LRPPRC: variants seen among roughly 807,000 people sequenced by gnomAD.
The protein encoded by LRPPRC is leucine-rich PPR motif-containing protein, mitochondrial.
Under a neutral mutation model 180.3 loss-of-function variants are expected in LRPPRC, and 120 were observed. The ratio of observed to expected loss-of-function variants is 0.67; its 90% CI spans 0.57 to 0.77. The LOEUF is 0.77. Ranked by LOEUF, LRPPRC falls within the 30% of genes least tolerant of loss-of-function variation. The pLI is 0.00. For missense variants in LRPPRC, 2,012 were observed against 1,657.2 expected, an observed-to-expected ratio of 1.21 and a Z score of -3.72; for synonymous variants, 723 against 600.0, an observed-to-expected ratio of 1.21 and a Z score of -3.00.
rs1675041650 is a variant in LRPPRC at position 43,995,921 on chromosome 2, A to G, written c.27T>C (p.Arg9=). 5.3e-6 allele frequency: 8 copies of G among 1,519,090 alleles called. No individual in the cohort carries two copies. The highest frequency in any genetic ancestry group is 4.3e-5 in the African/African-American group (3 of 70,580). 94.1% of individuals were successfully genotyped at this position (1,519,090 alleles called of 1,614,324 possible). A position where few individuals can be genotyped will look rare whatever the true frequency, so the allele number is the denominator to read the frequency against. Residue 9 remains arginine, a synonymous_variant, in exon 1 of 38, where the codon CGT becomes CGC. Coordinates refer to ENST00000260665, the MANE Select transcript of LRPPRC (RefSeq NM_133259.4). ...GGGCCGCCCCGGCACGCAGCAACCAACGCGCGGATCTCAGCAGGGCTGCCA... is the reference window on the plus strand; with the variant it reads ...GGGCCGCCCCGGCACGCAGCAACCAGCGCGCGGATCTCAGCAGGGCTGCCA... MAALLRSA[R]WLLRAGAAPR...
chr2:43,992,132 C>G (rs544971827), intron 1 of LRPPRC, among the ~76,000 whole-genome samples: 1 of 152,006 alleles, frequency 6.6e-6, no homozygotes, highest in Non-Finnish European at 1.5e-5. Context: ...TAAGAGGAGG[C>G]ACAAGAAAGG....
At chr2:43,920,522 A>T (rs1024052868) in intron 27 of LRPPRC, among the ~76,000 whole-genome samples, 1 of 152,184 alleles carries the variant, frequency 6.6e-6, no homozygotes, top group Non-Finnish European at 1.5e-5. Context: ...TTATACATAT[A>T]CTGATAAAAT....
chr2:43,969,113 G>A lies in LRPPRC; in HGVS notation c.1369+4494C>T, dbSNP rs573505439. Among the ~76,000 whole-genome samples the A allele has an allele frequency of 3.9e-5, 6 of 152,320 alleles. No individual in the cohort carries two copies. In the South Asian group the frequency reaches 1.2e-3, roughly 32 times the overall value. On this transcript the variant is annotated intron_variant, in intron 11 of 37. Transcript: ENST00000260665. ...CTCCAAGATCACAAGCATAACTTGA[G>A]TAAGAAACCAAGTCTCAGTCCGGGC...
At chr2:43,925,326 T>C (rs1671837666) in intron 26 of LRPPRC, among the ~76,000 whole-genome samples, 169 bp from the exon 27 acceptor site, 1 of 152,242 alleles carries the variant, frequency 6.6e-6, no homozygotes, top group East Asian at 1.9e-4. Flanking sequence ...TTAATGCCAC[T>C]GAACTGTATA....
intron 1 of LRPPRC, among the ~76,000 whole-genome samples, chr2:43,988,038 C>A (rs953548920): frequency 2.0e-5 from 3 of 152,044 alleles, no homozygotes; most frequent in Admixed American, 1.3e-4. Context: ...GAAGTCCGTT[C>A]GAGACCAGCC....
intron 25 of LRPPRC, among the ~76,000 whole-genome samples, chr2:43,928,416 A>C (rs1159571433): frequency 6.6e-6 from 1 of 152,196 alleles, no homozygotes; most frequent in East Asian, 1.9e-4. Flanking sequence ...CTCAAGGAAG[A>C]TTATCCTGAA....
intron 23 of LRPPRC, among the ~76,000 whole-genome samples, chr2:43,939,451 A>T (rs544992687): frequency 1.5e-4 from 23 of 152,190 alleles, no homozygotes; most frequent in Non-Finnish European, 2.8e-4. Context: ...ATCTGCAATC[A>T]CTACAGAAAA....
chr2:43,920,095 A>C (rs1450328484), intron 27 of LRPPRC, among the ~76,000 whole-genome samples: 3 of 151,630 alleles, frequency 2.0e-5, no homozygotes, highest in Admixed American at 2.0e-4. Context: ...AAAAAAAAAA[A>C]AAAAAAACTT....
chr2:43,917,748 T>C (rs1671525950), intron 29 of LRPPRC, among the ~76,000 whole-genome samples: 1 of 151,958 alleles, frequency 6.6e-6, no homozygotes, highest in Admixed American at 6.6e-5. Flanking sequence ...GAGATCACGC[T>C]ACTACACTCC....
chr2:43,888,247 A>C lies in LRPPRC; in HGVS notation c.*353T>G. The C allele has an allele frequency of 3.7e-6, 1 of 271,780 alleles. No homozygotes were observed. Among genetic ancestry groups the C allele is most frequent in the East Asian group, 9.5e-5 (1 of 10,550 alleles). The allele number at this position is 271,780 out of a possible 1,614,324, so 16.8% of individuals were successfully genotyped here. On this transcript the variant is annotated 3_prime_UTR_variant, in exon 38 of 38. Coordinates refer to ENST00000260665, the MANE Select transcript of LRPPRC (RefSeq NM_133259.4). ...TATACCTAGCTCTAAAATTTTTCAG[A>C]GAAACAGCAGACTAATAAGTGAATC... is the stretch of plus-strand genomic sequence containing the variant.
Position 43,949,762 on chromosome 2 carries a change from G to T in LRPPRC, c.1678-103C>A, listed in dbSNP as rs971331695. 7.6e-6 allele frequency: 6 copies of T among 788,200 alleles called. No homozygotes were observed. The Admixed American group carries it at 9.9e-5, about 13-fold the overall frequency. The allele number at this position is 788,200 out of a possible 1,614,324, so 48.8% of individuals were successfully genotyped here. Reference sequence around the variant, plus strand: ...AATAATAAAACCTCTCCCCAGTAAGGTACTATTCTATTTCACAGTAATTCA... The same window carrying T: ...AATAATAAAACCTCTCCCCAGTAAGTTACTATTCTATTTCACAGTAATTCA... On this transcript the variant is annotated intron_variant, in intron 15 of 37. Transcript: ENST00000260665.
intron 23 of LRPPRC, among the ~76,000 whole-genome samples, chr2:43,940,178 G>A (rs1672428329): frequency 6.6e-6 from 1 of 152,146 alleles, no homozygotes; most frequent in African/African-American, 2.4e-5. Context: ...TGGCACTGAT[G>A]ATGCTAAATT....
intron 11 of LRPPRC, among the ~76,000 whole-genome samples, chr2:43,966,956 AAGG>A (rs1673587434): frequency 6.6e-6 from 1 of 151,950 alleles, no homozygotes; most frequent in Non-Finnish European, 1.5e-5. Context: ...GAGGCTGAAG[AAGG>A]AGAACTGCTT....
chr2:43,968,433 T>G (rs1572559031), intron 11 of LRPPRC, among the ~76,000 whole-genome samples: 1 of 152,248 alleles, frequency 6.6e-6, no homozygotes, highest in African/African-American at 2.4e-5. Context: ...GAAGAAATTC[T>G]TGTGGTCTAA....
At chr2:43,935,317 C>G (rs766834869) in intron 23 of LRPPRC, among the ~76,000 whole-genome samples, 2 of 152,112 alleles carry the variant, frequency 1.3e-5, no homozygotes, top group African/African-American at 4.8e-5. Flanking sequence ...ATTTGGTAAA[C>G]GTTATTAAAT....
chr2:43,942,216 A>C (rs1435413833), intron 23 of LRPPRC, among the ~76,000 whole-genome samples: 2 of 152,088 alleles, frequency 1.3e-5, no homozygotes, highest in Admixed American at 1.3e-4. Context: ...TTTCATTGTT[A>C]ATTATTTTAT....
intron 27 of LRPPRC, among the ~76,000 whole-genome samples, chr2:43,922,014 T>G (rs1029496040): frequency 6.6e-6 from 1 of 152,232 alleles, no homozygotes; most frequent in Non-Finnish European, 1.5e-5. Flanking sequence ...AAGAAAATGT[T>G]TGTCATATAG....
In LRPPRC at chr2:43,896,222, C is replaced by CTT. The variant is rs1001509187; in HGVS notation, c.3900+410_3900+411dup. On this transcript the variant is annotated intron_variant, in intron 35 of 37. Coordinates refer to ENST00000260665, the MANE Select transcript of LRPPRC (RefSeq NM_133259.4). ...CATTTCTTTCTTTCTTTCTTTCTTTCTTTTTTTTTTTTTTTTTTTTTGTAA... is the reference window on the plus strand; with the variant it reads ...CATTTCTTTCTTTCTTTCTTTCTTTCTTTTTTTTTTTTTTTTTTTTTTTGTAA... 33 of 69,798 alleles carry CTT rather than the reference C, an allele frequency of 4.7e-4. 1 individual carries two copies. The highest frequency in any genetic ancestry group is 9.1e-4 in the Admixed American group (4 of 4,400). 4.3% of individuals were successfully genotyped at this position (69,798 alleles called of 1,614,324 possible).
chr2:43,895,093 G>A (rs781310354), intron 35 of LRPPRC, among the ~76,000 whole-genome samples: 13 of 152,174 alleles, frequency 8.5e-5, no homozygotes, highest in Non-Finnish European at 1.8e-4. Context: ...ATTTCTTCCA[G>A]GAATATGCAG....
Sources: allele counts gnomAD v4.1 joint callset (sites outside exome capture counted in the v4.1 genomes callset), GRCh38; gene constraint gnomAD v4.1.1; transcripts MANE v1.5; gene names NCBI Gene and HGNC (gene_info 2026-07-23, HGNC 2026-07-21).